KIAA1671: variants seen among roughly 807,000 people sequenced by gnomAD.
The protein encoded by KIAA1671 is KIAA1671.
KIAA1671 carries 52 observed loss-of-function variants against 131.2 expected under a neutral mutation model. That is an observed-to-expected ratio of 0.40 (90% CI 0.32 to 0.50). KIAA1671 has a LOEUF of 0.50. Among genes scored for constraint, KIAA1671 ranks in the 20% least tolerant of loss-of-function variants. KIAA1671 has a pLI of 0.73. For missense variants in KIAA1671, 2,360 were observed against 2,364.2 expected (o/e 1.00, Z 0.04); for synonymous variants, 1,003 against 961.6 (o/e 1.04, Z -0.80).
chr22:24,977,583 G>C (rs891237269), intron 1 of KIAA1671, among the ~76,000 whole-genome samples: 1 of 152,202 alleles, frequency 6.6e-6, no homozygotes, highest in African/African-American at 2.4e-5. Flanking sequence ...CCCACCCTGG[G>C]GCTCCAAAGG....
intron 1 of KIAA1671, among the ~76,000 whole-genome samples, chr22:24,970,730 T>TA (rs533720025): frequency 0.18 from 24,938 of 136,776 alleles, 2,566 homozygotes; most frequent in South Asian, 0.32. Flanking sequence ...GTTGATGAGC[T>TA]AAAAAAAAAA....
At chr22:25,125,861 C>T (rs1210593187) in intron 6 of KIAA1671, among the ~76,000 whole-genome samples, 1 of 152,162 alleles carries the variant, frequency 6.6e-6, no homozygotes. Flanking sequence ...TGGACAAGGC[C>T]AAAGTATTAG....
rs2145787594 is a variant in KIAA1671, at chr22:25,028,691, T to C, written c.692T>C (p.Leu231Pro). ...AGTGTGGAGGACACGGCACGCCCCC[T>C]TGTGGAGCCCAGGCCTCGCCTGAAG... ...ASSVEDTARP[L>P]VEPRPRLKRR... The change falls in exon 3 of 13, where the codon CTT (leucine) becomes CCT (proline). Residue 231 changes from leucine (L) to proline (P), a missense_variant. Transcript: ENST00000358431. The C allele has an allele frequency of 1.3e-6, 2 of 1,551,164 alleles. No individual in the cohort carries two copies. Among genetic ancestry groups the C allele is most frequent in the South Asian group, 2.4e-5 (2 of 84,064 alleles).
intron 6 of KIAA1671, among the ~76,000 whole-genome samples, chr22:25,158,266 G>A (rs997445377): frequency 6.6e-6 from 1 of 152,186 alleles, no homozygotes; most frequent in Non-Finnish European, 1.5e-5. Context: ...GAGGGGACAG[G>A]GAGTCATTTA....
chr22:24,971,658 T>C (rs532790878), intron 1 of KIAA1671, among the ~76,000 whole-genome samples: 1 of 152,162 alleles, frequency 6.6e-6, no homozygotes, highest in South Asian at 2.1e-4. Context: ...TCTCTCAAAT[T>C]TGGGGGTGAT....
rs79742480 is a variant in KIAA1671, at chr22:25,090,646, G to A, written c.4530+41282G>A. On this transcript the variant is annotated intron_variant, in intron 6 of 12. Transcript: ENST00000358431. The stretch of plus-strand genomic sequence containing the variant: ...GGCAAGAAGAATGACTAGTTACTGG[G>A]TGCTTGCTGCATATCAGACACCACA... Among the ~76,000 whole-genome samples the A allele has an allele frequency of 4.7e-3, 714 of 152,370 alleles. 6 individuals carry two copies. Among genetic ancestry groups the A allele is most frequent in the Admixed American group, 0.015 (223 of 15,308 alleles).
chr22:25,022,224 G>A (rs1925712987), intron 1 of KIAA1671, among the ~76,000 whole-genome samples: 1 of 152,212 alleles, frequency 6.6e-6, no homozygotes, highest in Non-Finnish European at 1.5e-5. Context: ...AGCCAGAGAC[G>A]ACTGAATAAA....
intron 4 of KIAA1671, among the ~76,000 whole-genome samples, chr22:25,035,028 C>T (rs1211951018): frequency 2.7e-5 from 4 of 145,562 alleles, no homozygotes; most frequent in South Asian, 2.2e-4. Context: ...TAAGCCACTG[C>T]GCCTGGCCTT....
intron 7 of KIAA1671, among the ~76,000 whole-genome samples, chr22:25,173,031 C>T (rs1933901768): frequency 6.6e-6 from 1 of 152,214 alleles, no homozygotes; most frequent in Admixed American, 6.5e-5. Context: ...ACTCACAGTT[C>T]TGCAGGGCTG....
intron 6 of KIAA1671, among the ~76,000 whole-genome samples, chr22:25,161,318 C>T (rs1257364962): frequency 6.6e-6 from 1 of 152,208 alleles, no homozygotes; most frequent in Non-Finnish European, 1.5e-5. Context: ...GGCCAGGGCT[C>T]TGATGGGGAG....
chr22:24,965,689 A>G (rs1478486900), intron 1 of KIAA1671, among the ~76,000 whole-genome samples: 1 of 151,392 alleles, frequency 6.6e-6, no homozygotes, highest in East Asian at 1.9e-4. Context: ...GCAGTGAGCC[A>G]AGATTGTGCC....
intron 4 of KIAA1671, among the ~76,000 whole-genome samples, chr22:25,036,848 T>C (rs1055780959): frequency 1.3e-5 from 2 of 151,234 alleles, no homozygotes; most frequent in African/African-American, 4.9e-5. Context: ...CACTTGAATC[T>C]GGGAGGCAGA....
intron 1 of KIAA1671, among the ~76,000 whole-genome samples, chr22:25,006,667 T>A (rs1249466659): frequency 6.6e-6 from 1 of 152,210 alleles, no homozygotes; most frequent in Non-Finnish European, 1.5e-5. Flanking sequence ...TACTTCACAG[T>A]TCTGATGGTC....
chr22:25,077,316 G>A (rs892160182), intron 6 of KIAA1671, among the ~76,000 whole-genome samples: 1 of 149,366 alleles, frequency 6.7e-6, no homozygotes, highest in African/African-American at 2.6e-5. Context: ...GAGGAACTGT[G>A]CTGAGGATTA....
In KIAA1671 at chr22:25,040,705, A is replaced by G; in HGVS notation, c.3575A>G (p.Asp1192Gly). The change falls in exon 5 of 13, where the codon GAT becomes GGT. Residue 1192 changes from aspartate to glycine, a missense_variant. By Grantham distance (94) the Asp-to-Gly change is moderately conservative. Around this residue, in one of 3 missense-constraint regions of KIAA1671, gnomAD observed 1,161 missense variants for 1,204.7 expected, o/e 0.96. Coordinates refer to ENST00000358431, the MANE Select transcript of KIAA1671 (RefSeq NM_001145206.2). ...ISDTFPGKIR[D>G]GYRSSVLDID... The stretch of plus-strand genomic sequence containing the variant: ...GACACGTTCCCAGGTAAAATCAGAG[A>G]TGGCTACAGATCCAGCGTTCTTGAC... 6.4e-7 allele frequency: 1 copy of G among 1,552,114 alleles called. No homozygotes were observed. The highest frequency in any genetic ancestry group is 8.7e-7 in the Non-Finnish European group (1 of 1,147,084).
intron 1 of KIAA1671, among the ~76,000 whole-genome samples, chr22:24,989,402 G>A (rs569233280): frequency 6.6e-6 from 1 of 152,134 alleles, no homozygotes; most frequent in Non-Finnish European, 1.5e-5. Flanking sequence ...TCCTCAGAGA[G>A]CCCTCCCCAT....
intron 6 of KIAA1671, among the ~76,000 whole-genome samples, chr22:25,148,514 G>A (rs1932935532): frequency 6.6e-6 from 1 of 152,218 alleles, no homozygotes; most frequent in Non-Finnish European, 1.5e-5. Context: ...GAAGTTCACA[G>A]CAGTGGGCAA....
At chr22:25,163,331 A>ATTTTTTTTTTTTTTTTTT (rs132895) in intron 6 of KIAA1671, among the ~76,000 whole-genome samples, 2 of 55,542 alleles carry the variant, frequency 3.6e-5, no homozygotes, top group African/African-American at 7.3e-5. Context: ...ATTGCCTCAA[A>ATTTTTTTTTTTTTTTTTT]TTTTTTTTTT....
intron 1 of KIAA1671, among the ~76,000 whole-genome samples, chr22:24,956,976 T>A (rs1177012379): frequency 1.3e-5 from 2 of 151,672 alleles, no homozygotes. Flanking sequence ...ATGGTTATGG[T>A]TTTGAGACTC....
Sources: allele counts gnomAD v4.1 joint callset (sites outside exome capture counted in the v4.1 genomes callset), GRCh38; gene constraint gnomAD v4.1.1; regional missense constraint gnomAD v4.1.1; transcripts MANE v1.5; gene names NCBI Gene and HGNC (gene_info 2026-07-23, HGNC 2026-07-21).